The following ACOT1 variants were observed in gnomAD, a reference collection of about 807,000 sequenced individuals.
ACOT1 encodes acyl-CoA thioesterase 1.
Under a neutral mutation model 15.7 loss-of-function variants are expected in ACOT1, and 8 were observed. The observed-to-expected ratio is 0.51, with a 90% CI of 0.30 to 0.92. The LOEUF is 0.92. Ranked by LOEUF, ACOT1 falls within the 40% of genes least tolerant of loss-of-function variation. The pLI is 0.06. For synonymous variants in ACOT1, 67 were observed against 241.2 expected (o/e 0.28, Z 6.69); for missense variants, 151 against 539.4 (o/e 0.28, Z 7.13).
chr14:73,498,173 T>G, the ACOT1 span: 13 of 1,612,180 alleles, frequency 8.1e-6, no homozygotes, highest in African/African-American at 2.7e-5. Context: ...AGCATCGTGG[T>G]TCTCCAGGAG....
At chr14:73,500,413 G>T in the ACOT1 span, 1 of 875,070 alleles carries the variant, frequency 1.1e-6, no homozygotes, top group Non-Finnish European at 1.7e-6. Flanking sequence ...GTTTGAAGTG[G>T]CTTATACACC....
chr14:73,514,226 G>A, the ACOT1 span: 4 of 1,613,890 alleles, frequency 2.5e-6, no homozygotes, highest in South Asian at 1.1e-5. Flanking sequence ...CCTTGCACAG[G>A]TCTGTAAGCT....
the ACOT1 span, chr14:73,523,197 GGAAA>G: frequency 6.6e-7 from 1 of 1,507,688 alleles, no homozygotes; most frequent in Non-Finnish European, 8.8e-7. Flanking sequence ...CTGGCCTAGA[GGAAA>G]GGCCTGGAGA....
the ACOT1 span, chr14:73,491,652 C>A: frequency 6.5e-7 from 1 of 1,549,794 alleles, no homozygotes. Flanking sequence ...CTCATCGCGC[C>A]CATGCCGCCA....
the ACOT1 span, among the ~76,000 whole-genome samples, chr14:73,499,581 G>A: frequency 5.3e-5 from 8 of 152,224 alleles, no homozygotes; most frequent in South Asian, 1.2e-3. Context: ...TATCAATTCT[G>A]GTGACAAATG....
chr14:73,535,487 T>C (rs71426978), upstream of ACOT1, among the ~76,000 whole-genome samples: 1,517 of 53,710 alleles, frequency 0.028, 357 homozygotes, highest in African/African-American at 0.078. Flanking sequence ...TTTTTTTTTT[T>C]TTTTTTTTTT....
chr14:73,510,056 T>C, the ACOT1 span, among the ~76,000 whole-genome samples: 1 of 150,396 alleles, frequency 6.6e-6, no homozygotes, highest in Non-Finnish European at 1.5e-5. Flanking sequence ...AGAGATGGGA[T>C]TTCACCGTGT....
At chr14:73,509,581 G>T in the ACOT1 span, 2 of 1,060,784 alleles carry the variant, frequency 1.9e-6, no homozygotes, top group Admixed American at 4.0e-5. Flanking sequence ...AGCTGCAGTT[G>T]CTTAGTGCTA....
chr14:73,506,811 T>G, the ACOT1 span, among the ~76,000 whole-genome samples: 6 of 130,460 alleles, frequency 4.6e-5, no homozygotes, highest in Non-Finnish European at 7.7e-5. Context: ...ACTGTTTTTT[T>G]TTTTTTTTTT....
At chr14:73,498,628 G>A in the ACOT1 span, among the ~76,000 whole-genome samples, 2 of 152,152 alleles carry the variant, frequency 1.3e-5, no homozygotes, top group Non-Finnish European at 2.9e-5. Flanking sequence ...GGGAAAGGAG[G>A]CACAATTATT....
At chr14:73,491,058 G>A in the ACOT1 span, 2 of 1,591,030 alleles carry the variant, frequency 1.3e-6, no homozygotes, top group Non-Finnish European at 1.7e-6. Context: ...TTGAGGCGCG[G>A]GCGGCCGAAG....
the ACOT1 span, among the ~76,000 whole-genome samples, chr14:73,513,728 CA>C: frequency 0.02 from 950 of 46,654 alleles, no homozygotes; most frequent in African/African-American, 0.049. Flanking sequence ...ACTACGTCTC[CA>C]AAAAAAAAAA....
chr14:73,513,784 GTGT>G, the ACOT1 span, among the ~76,000 whole-genome samples: 1 of 144,268 alleles, frequency 6.9e-6, no homozygotes, highest in Admixed American at 7.0e-5. Context: ...AGAGTCTGCA[GTGT>G]AATAATGAGT....
At chr14:73,524,305 A>AT in the ACOT1 span, among the ~76,000 whole-genome samples, 430 of 110,626 alleles carry the variant, frequency 3.9e-3, no homozygotes, top group Middle Eastern at 0.014. Context: ...AAAAAAAAAA[A>AT]AAAAAATATA....
the ACOT1 span, among the ~76,000 whole-genome samples, chr14:73,493,768 G>C: frequency 6.6e-6 from 1 of 152,172 alleles, no homozygotes; most frequent in Admixed American, 6.5e-5. Context: ...AACCTGGGAG[G>C]TGGAGGTTGC....
At chr14:73,500,360 G>A in the ACOT1 span, among the ~76,000 whole-genome samples, 1 of 150,874 alleles carries the variant, frequency 6.6e-6, no homozygotes, top group Non-Finnish European at 1.5e-5. Flanking sequence ...CTTCCATTGT[G>A]GCCCAGGGAA....
At chr14:73,500,512 T>G in the ACOT1 span, 1 of 1,590,612 alleles carries the variant, frequency 6.3e-7, no homozygotes, top group Non-Finnish European at 8.6e-7. Context: ...CCTCTTCAGG[T>G]CAATCAGGTA....
upstream of ACOT1, among the ~76,000 whole-genome samples, chr14:73,536,730 C>T (rs1443703332): frequency 1.8e-5 from 2 of 113,442 alleles, 1 homozygote; most frequent in Non-Finnish European, 3.8e-5. Flanking sequence ...ATTTTTACAC[C>T]TGTAAGGAAT....
upstream of ACOT1, among the ~76,000 whole-genome samples, chr14:73,534,655 C>T (rs570723492): frequency 2.6e-5 from 3 of 113,890 alleles, no homozygotes; most frequent in Admixed American, 3.0e-4. Flanking sequence ...CACCACTGCA[C>T]TCCAGCCTGG....
Sources: gnomAD v4.1 joint callset for allele counts (sites outside exome capture counted in the v4.1 genomes callset) on GRCh38, gnomAD v4.1.1 for gene constraint, MANE v1.5 for transcripts, NCBI Gene and HGNC (gene_info 2026-07-23, HGNC 2026-07-21) for gene names.